The following KDM5A variants were observed in gnomAD, a reference collection of about 807,000 sequenced individuals.
KDM5A encodes the protein lysine-specific demethylase 5A.
A neutral mutation model predicts 193.5 loss-of-function variants in KDM5A; 42 were observed. The ratio of observed to expected loss-of-function variants is 0.22; its 90% CI spans 0.17 to 0.28. KDM5A has a LOEUF of 0.28. Among genes scored for constraint, KDM5A ranks in the 10% least tolerant of loss-of-function variants. KDM5A has a pLI of 1.00. For missense variants in KDM5A, 1,692 were observed against 2,055.1 expected (o/e 0.82, Z 3.42); for synonymous variants, 796 against 718.1 (o/e 1.11, Z -1.73).
At position 365,060 on chromosome 12, in the gene KDM5A, C is replaced by CT. The variant is rs200486486; in HGVS notation, c.537+873dup. 5.4e-3 allele frequency among the ~76,000 whole-genome samples: 802 copies of CT among 149,792 alleles called. 8 individuals are homozygous for CT. The highest frequency in any genetic ancestry group is 0.015 in the African/African-American group (596 of 40,912). On this transcript the variant is annotated intron_variant, in intron 4 of 27. Transcript: ENST00000399788. ...TGACACATGCTATAGCATGGCTGAA[C>CT]TTTTTTTTTTGAGACAGGGTCTCAC... is the stretch of plus-strand genomic sequence containing the variant.
chr12:385,768 G>C, intron 2 of KDM5A, 129 bp downstream of exon 2: 1 of 738,436 alleles, frequency 1.4e-6, no homozygotes, highest in Non-Finnish European at 2.4e-6. Flanking sequence ...CAAACATCAA[G>C]TAACTATTCC....
In KDM5A at chr12:280,435, A is replaced by T. The variant is rs1943143512; in HGVS notation, c.*5021T>A. ...GTTGGCAAGAAAATTATTTCCCAAG[A>T]GGTAATCAGATTCCCCTCCCTGCCC... On this transcript the variant is annotated 3_prime_UTR_variant, in exon 28 of 28. Transcript: ENST00000399788. 1 of 232,908 alleles carries T rather than the reference A, an allele frequency of 4.3e-6. No individual in the cohort carries two copies. The highest frequency in any genetic ancestry group is 1.8e-4 in the South Asian group (1 of 5,514). The allele number at this position is 232,908 out of a possible 1,614,324, so 14.4% of individuals were successfully genotyped here. A position where few individuals can be genotyped will look rare whatever the true frequency, so the allele number is the denominator to read the frequency against.
intron 19 of KDM5A, among the ~76,000 whole-genome samples, chr12:315,355 C>T (rs1351683851): frequency 6.6e-6 from 1 of 152,186 alleles, no homozygotes; most frequent in Non-Finnish European, 1.5e-5. Context: ...AGGCAGATTG[C>T]TTGAGGTCAG....
intron 3 of KDM5A, among the ~76,000 whole-genome samples, chr12:373,223 G>A (rs1406697048): frequency 2.6e-5 from 4 of 152,100 alleles, no homozygotes; most frequent in Admixed American, 2.6e-4. Flanking sequence ...ATCTGGTCCT[G>A]GACTGTTTTT....
At chr12:352,425 G>A in intron 8 of KDM5A, 101 bp from the exon 9 acceptor site, 2 of 1,054,508 alleles carry the variant, frequency 1.9e-6, no homozygotes, top group South Asian at 2.6e-5. Context: ...CCTAGGTAAA[G>A]TAAATCCAGT....
At chr12:372,761 G>A (rs756618910) in intron 3 of KDM5A, among the ~76,000 whole-genome samples, 6 of 152,100 alleles carry the variant, frequency 3.9e-5, no homozygotes, top group South Asian at 2.1e-4. Context: ...TTTGACATAC[G>A]TCCCATCAAT....
intron 26 of KDM5A, among the ~76,000 whole-genome samples, chr12:295,024 C>T (rs950223560): frequency 2.0e-5 from 3 of 152,156 alleles, no homozygotes; most frequent in Admixed American, 6.5e-5. Flanking sequence ...CATCCCTGTG[C>T]TTCTTTTCAT....
intron 3 of KDM5A, among the ~76,000 whole-genome samples, chr12:376,079 C>A (rs1944500085): frequency 6.6e-6 from 1 of 152,222 alleles, no homozygotes; most frequent in Admixed American, 6.5e-5. Flanking sequence ...AAACTCCATG[C>A]TGGGAGAACC....
At chr12:289,907 C>CTTTTTTTTTTTTTTTTTTTTTTTTTT (rs750918968) in intron 27 of KDM5A, among the ~76,000 whole-genome samples, 8 of 99,644 alleles carry the variant, frequency 8.0e-5, no homozygotes, top group East Asian at 8.9e-4. Context: ...TTCTTTCTTT[C>CTTTTTTTTTTTTTTTTTTTTTTTTTT]TTTTTTTTTT....
chr12:372,378 A>C (rs1038259557), intron 3 of KDM5A, among the ~76,000 whole-genome samples: 13 of 152,242 alleles, frequency 8.5e-5, no homozygotes, highest in African/African-American at 2.6e-4. Context: ...ATGGGAGTTC[A>C]CTCATGATTT....
At chr12:286,263 CA>C (rs2137355840) in intron 27 of KDM5A, 1 of 466,382 alleles carries the variant, frequency 2.1e-6, no homozygotes, top group East Asian at 6.6e-5. Context: ...CCAATTATAA[CA>C]GTCAAAGACA....
intron 4 of KDM5A, among the ~76,000 whole-genome samples, chr12:364,728 C>T (rs1218543841): frequency 6.9e-5 from 9 of 130,108 alleles, no homozygotes; most frequent in African/African-American, 1.2e-4. Context: ...GAGCTTGCAG[C>T]AAGCCGAGAT....
chr12:315,731 C>T (rs1381916101), intron 19 of KDM5A, among the ~76,000 whole-genome samples: 2 of 151,776 alleles, frequency 1.3e-5, no homozygotes, highest in African/African-American at 4.8e-5. Context: ...TCAAAGCTAA[C>T]TACCAAAGTA....
rs759683193 is a variant in KDM5A, at chr12:331,912, G to T, written c.1680C>A (p.Gly560=). ...VPVYRTNQCA[G]EFVVTFPRAY... ...CACGAGGAAATGTCACAACAAACTC[G>T]CCAGCACACTGATTGGTCCTGTACA... The change falls in exon 13 of 28, where the codon GGC becomes GGA. Residue 560 remains glycine (G), a synonymous_variant. Coordinates refer to ENST00000399788, the MANE Select transcript of KDM5A (RefSeq NM_001042603.3). 5.0e-6 allele frequency: 8 copies of T among 1,613,870 alleles called. No homozygotes were observed. The highest frequency in any genetic ancestry group is 3.3e-5 in the Admixed American group (2 of 60,004).
intron 9 of KDM5A, among the ~76,000 whole-genome samples, chr12:351,956 T>C (rs913552511): frequency 6.6e-6 from 1 of 151,586 alleles, no homozygotes; most frequent in African/African-American, 2.4e-5. Flanking sequence ...ACACAAAAAT[T>C]AGCTGGGTAT....
At chr12:308,461 C>CCTAT (rs1943541700) in intron 22 of KDM5A, among the ~76,000 whole-genome samples, 1 of 152,184 alleles carries the variant, frequency 6.6e-6, no homozygotes, top group African/African-American at 2.4e-5. Flanking sequence ...GTATTAGTTT[C>CCTAT]CTATCACCTC....
chr12:332,946 A>G (rs1244561744), intron 12 of KDM5A: 1 of 160,172 alleles, frequency 6.2e-6, no homozygotes, highest in African/African-American at 2.4e-5. Context: ...GGTTATATGA[A>G]TAGGTAGCTG....
Position 313,102 on chromosome 12 carries a change from G to C in KDM5A, c.2990C>G (p.Ala997Gly). ...FLPNVLSLKE[A>G]LQKAREWTAK... ...GGTCCATTCTCGAGCCTTTTGTAAG[G>C]CTTCTTTCAAGGACAACACATTGGG... Residue 997 changes from alanine (A) to glycine (G), a missense_variant, in exon 20 of 28, where the codon GCC becomes GGC. By Grantham distance (60) the Ala-to-Gly change is moderately conservative. Around this residue, in one of 11 missense-constraint regions of KDM5A, gnomAD observed 965 missense variants for 1,061.0 expected, o/e 0.91. Transcript: ENST00000399788. The C allele has an allele frequency of 6.2e-7, 1 of 1,614,066 alleles. No individual in the cohort carries two copies. Among genetic ancestry groups the C allele is most frequent in the Non-Finnish European group, 8.5e-7 (1 of 1,179,968 alleles).
intron 18 of KDM5A, among the ~76,000 whole-genome samples, chr12:319,392 G>C (rs908954494): frequency 7.9e-5 from 12 of 152,174 alleles, no homozygotes; most frequent in African/African-American, 2.9e-4. Flanking sequence ...GGTAATAGCA[G>C]CCAGCACTTG....
Sources: allele counts gnomAD v4.1 joint callset (sites outside exome capture counted in the v4.1 genomes callset), GRCh38; gene constraint gnomAD v4.1.1; regional missense constraint gnomAD v4.1.1; transcripts MANE v1.5; gene names NCBI Gene and HGNC (gene_info 2026-07-23, HGNC 2026-07-21).